PPP6R2: variants seen among roughly 807,000 people sequenced by gnomAD.
PPP6R2 encodes protein phosphatase 6 regulatory subunit 2.
PPP6R2 carries 62 observed loss-of-function variants against 100.2 expected under a neutral mutation model. The observed-to-expected ratio is 0.62, with a 90% CI of 0.50 to 0.76. The LOEUF (loss-of-function observed/expected upper bound fraction) is 0.76, where lower values mean the gene tolerates loss of function less well. Among genes scored for constraint, PPP6R2 ranks in the 30% least tolerant of loss-of-function variants. PPP6R2 has a pLI of 0.00. For synonymous variants in PPP6R2, 525 were observed against 514.7 expected (o/e 1.02, Z -0.27); for missense variants, 1,142 against 1,276.3 (o/e 0.89, Z 1.60).
chr22:50,335,297 T>C, the PPP6R2 span, among the ~76,000 whole-genome samples: 1 of 150,024 alleles, frequency 6.7e-6, no homozygotes, highest in East Asian at 2.0e-4. Context: ...TCTCCTCACC[T>C]GGTGATCCAC....
intron 4 of PPP6R2, 68 bp downstream of exon 4, chr22:50,406,943 G>T: frequency 4.0e-6 from 6 of 1,483,002 alleles, no homozygotes; most frequent in Non-Finnish European, 5.6e-6. Context: ...GTCCTGCTGT[G>T]AGCCTGGCGG....
intron 1 of PPP6R2, among the ~76,000 whole-genome samples, chr22:50,343,822 G>GTTCCCCCCCAGTCAGT (rs2042784730): frequency 7.8e-5 from 2 of 25,776 alleles, no homozygotes; most frequent in African/African-American, 3.9e-4. Context: ...CCCCCAGTCA[G>GTTCCCCCCCAGTCAGT]TTCCCCCCCA....
intron 10 of PPP6R2, among the ~76,000 whole-genome samples, chr22:50,427,833 T>G (rs1249548816): frequency 6.6e-6 from 1 of 152,204 alleles, no homozygotes; most frequent in Non-Finnish European, 1.5e-5. Context: ...CCATTCTCCT[T>G]CCTCAGCCTC....
chr22:50,442,025 C>G (rs991985924), intron 22 of PPP6R2, among the ~76,000 whole-genome samples: 1 of 152,168 alleles, frequency 6.6e-6, no homozygotes, highest in Non-Finnish European at 1.5e-5. Context: ...CTGGATTCCT[C>G]TAGGAGGGGA....
intron 2 of PPP6R2, among the ~76,000 whole-genome samples, chr22:50,391,629 G>T (rs2055576944): frequency 6.6e-6 from 1 of 150,898 alleles, no homozygotes. Context: ...GACAATGTTT[G>T]TCTTTAATTG....
chr22:50,436,554 G>A, intron 14 of PPP6R2, 102 bp downstream of exon 14: 1 of 1,164,566 alleles, frequency 8.6e-7, no homozygotes, highest in Non-Finnish European at 1.2e-6. Flanking sequence ...GAGGCACAAG[G>A]GCCGCACGCC....
chr22:50,428,072 C>T (rs1380744213), intron 10 of PPP6R2, among the ~76,000 whole-genome samples: 1 of 151,238 alleles, frequency 6.6e-6, no homozygotes, highest in Non-Finnish European at 1.5e-5. Context: ...CCAGGTTGGT[C>T]TCAAACTCCT....
upstream of PPP6R2, among the ~76,000 whole-genome samples, chr22:50,339,013 TG>T (rs2042337125): frequency 2.3e-5 from 3 of 130,626 alleles, no homozygotes; most frequent in African/African-American, 8.7e-5. Flanking sequence ...ATGTGGTGTG[TG>T]GTGTGTGTGT....
chr22:50,436,906 G>A (rs942487551), intron 14 of PPP6R2, 82 bp from the exon 15 acceptor site: 5 of 1,155,130 alleles, frequency 4.3e-6, no homozygotes, highest in African/African-American at 1.5e-5. Context: ...CCTGGGCTGG[G>A]CATGGTCCTG....
chr22:50,370,031 G>C (rs960944420), intron 1 of PPP6R2, among the ~76,000 whole-genome samples: 1 of 142,946 alleles, frequency 7.0e-6, no homozygotes, highest in African/African-American at 2.9e-5. Context: ...TTACAGATGT[G>C]AGCCACCACA....
chr22:50,438,104 C>T lies in PPP6R2; in HGVS notation c.1840-70C>T, dbSNP rs546574353. 7.7e-6 allele frequency: 12 copies of T among 1,556,788 alleles called. No homozygotes were observed. In the African/African-American group the frequency reaches 1.2e-4, roughly 16 times the overall value. On this transcript the variant is annotated intron_variant, in intron 17 of 23. Coordinates refer to ENST00000612753, the MANE Select transcript of PPP6R2 (RefSeq NM_001242898.2). ...ATCCCGAACTAAGCCCCTCTGGGAG[C>T]TCTATGGGGAGAGCGGCTCCTGTCT...
At chr22:50,437,975 G>A in intron 17 of PPP6R2, 75 bp downstream of exon 17, 1 of 1,556,526 alleles carries the variant, frequency 6.4e-7, no homozygotes, top group South Asian at 1.1e-5. Context: ...GGCTCGGTCT[G>A]TCATGGGCCT....
At position 50,444,415 on chromosome 22, in the gene PPP6R2, C is replaced by A; in HGVS notation, c.*168C>A. The A allele has an allele frequency of 1.1e-6, 1 of 912,366 alleles. No individual in the cohort carries two copies. The highest frequency in any genetic ancestry group is 1.6e-6 in the Non-Finnish European group (1 of 613,006). The allele number at this position is 912,366 out of a possible 1,614,324, so 56.5% of individuals were successfully genotyped here. ...CAGTTGGACGGCCCAGCTTGCGTCT[C>A]TTCTGCCTGAGTGGGCCTCTCAGGT... On this transcript the variant is annotated 3_prime_UTR_variant, in exon 24 of 24. Transcript: ENST00000612753.
intron 2 of PPP6R2, among the ~76,000 whole-genome samples, chr22:50,372,366 A>G (rs761576447): frequency 1.3e-5 from 2 of 152,034 alleles, no homozygotes; most frequent in South Asian, 2.1e-4. Context: ...CCTGACCAAC[A>G]TGATGAAACC....
At chr22:50,378,261 C>T (rs1461659309) in intron 2 of PPP6R2, among the ~76,000 whole-genome samples, 1 of 152,144 alleles carries the variant, frequency 6.6e-6, no homozygotes, top group Non-Finnish European at 1.5e-5. Context: ...TGACTTCTAA[C>T]TTTATATCAG....
At chr22:50,442,263 T>C (rs1386035871) in intron 22 of PPP6R2, among the ~76,000 whole-genome samples, 2 of 152,216 alleles carry the variant, frequency 1.3e-5, no homozygotes, top group Non-Finnish European at 2.9e-5. Context: ...TGTGTGGTAC[T>C]GGGGCTCCGG....
Position 50,432,144 on chromosome 22 carries a change from G to T in PPP6R2, c.1336-121G>T, listed in dbSNP as rs373785722. 805 of 868,342 alleles carry T rather than the reference G, an allele frequency of 9.3e-4. 13 individuals carry two copies. Among genetic ancestry groups the T allele is most frequent in the South Asian group, 9.1e-3 (569 of 62,442 alleles). 53.8% of individuals were successfully genotyped at this position (868,342 alleles called of 1,614,324 possible). On this transcript the variant is annotated intron_variant, in intron 11 of 23. Transcript: ENST00000612753. ...TGGGGCTGTGCGTGCGCAGCAGTCA[G>T]GGCCTGCAAAGTCCACACAGACGTG...
Position 50,431,134 on chromosome 22 carries a change from A to G in PPP6R2, c.1126-39A>G, listed in dbSNP as rs1569481955. ...TTTGTGGTGTAGCCGGCAGGAGAAA[A>G]CCGATCTAAGAACTGTCTTCTGTCC... On this transcript the variant is annotated intron_variant, in intron 10 of 23. Coordinates refer to ENST00000612753, the MANE Select transcript of PPP6R2 (RefSeq NM_001242898.2). The surrounding 1 kb of genome is among the most constrained non-coding windows in gnomAD (Gnocchi z 4.8). The G allele has an allele frequency of 1.3e-6, 2 of 1,530,538 alleles. No individual in the cohort carries two copies. Among genetic ancestry groups the G allele is most frequent in the East Asian group, 4.5e-5 (2 of 43,984 alleles). 94.8% of individuals were successfully genotyped at this position (1,530,538 alleles called of 1,614,324 possible).
At chr22:50,340,754 A>ACAG (rs1555946605), upstream of PPP6R2, among the ~76,000 whole-genome samples, 4 of 151,838 alleles carry the variant, frequency 2.6e-5, no homozygotes, top group Admixed American at 2.6e-4. Flanking sequence ...GCAGCAGCCA[A>ACAG]CGGCGGGAGG....
Sources: allele counts gnomAD v4.1 joint callset (sites outside exome capture counted in the v4.1 genomes callset), GRCh38; gene constraint gnomAD v4.1.1; non-coding constraint Gnocchi (gnomAD v3.1); transcripts MANE v1.5; gene names NCBI Gene and HGNC (gene_info 2026-07-23, HGNC 2026-07-21).